The following CCDC125 variants were observed in gnomAD, a reference collection of about 807,000 sequenced individuals.
CCDC125 encodes the protein coiled-coil domain-containing protein 125.
A neutral mutation model predicts 57.4 loss-of-function variants in CCDC125; 43 were observed. The ratio of observed to expected loss-of-function variants is 0.75; its 90% CI spans 0.59 to 0.97. The LOEUF is 0.97. Among genes scored for constraint, CCDC125 ranks in the 50% least tolerant of loss-of-function variants. CCDC125 has a pLI of 0.00. For synonymous variants in CCDC125, 187 were observed against 195.2 expected, an observed-to-expected ratio of 0.96 and a Z score of 0.35; for missense variants, 563 against 595.7, an observed-to-expected ratio of 0.95 and a Z score of 0.57.
intron 1 of CCDC125, among the ~76,000 whole-genome samples, chr5:69,328,041 C>T (rs1239611422): frequency 6.6e-6 from 1 of 152,142 alleles, no homozygotes; most frequent in African/African-American, 2.4e-5. Flanking sequence ...GCATTATAGG[C>T]ACCTGCCACC....
In CCDC125 at chr5:69,292,290, G is replaced by GT; in HGVS notation, c.996dup (p.Gln333ThrfsTer7). 1.2e-6 allele frequency: 2 copies of GT among 1,613,250 alleles called. No individual in the cohort carries two copies. The highest frequency in any genetic ancestry group is 4.5e-5 in the East Asian group (2 of 44,850). On this transcript the variant is annotated frameshift_variant, in exon 10 of 12. Coordinates refer to ENST00000396496, the MANE Select transcript of CCDC125 (RefSeq NM_176816.5). LOFTEE classifies it high-confidence loss of function. The stretch of plus-strand genomic sequence containing the variant: ...GCCTGGTCATTTTTTCTCATTAATT[G>GT]TTGCTCAAATGCAATTCTGAAAGCA...
Position 69,320,443 on chromosome 5 carries a change from C to T in CCDC125, c.98G>A (p.Gly33Glu). 1.9e-6 allele frequency: 3 copies of T among 1,613,930 alleles called. No homozygotes were observed. The highest frequency in any genetic ancestry group is 2.5e-6 in the Non-Finnish European group (3 of 1,179,832). The change falls in exon 2 of 12, where the codon GGA (glycine) becomes GAA (glutamate). Residue 33 changes from glycine (G) to glutamate (E), a missense_variant. Gly to Glu is a moderately conservative substitution (Grantham distance 98). Transcript: ENST00000396496. ...TTCATAAATCCCACCAGGTTTCCTT[C>T]CGAGGCCATACCCTAAATCACCTTC... ...MTEGDLGYGL[G>E]RKPGGIYEIE... is the part of the protein sequence containing the mutation.
In CCDC125 at chr5:69,292,379, G is replaced by GT; in HGVS notation, c.925-18dup. On this transcript the variant is annotated splice_polypyrimidine_tract_variant and intron_variant, in intron 9 of 11. Transcript: ENST00000396496. Reference sequence around the variant, plus strand: ...AATTTCCAACTGATTTTGAAAGACAGTTTGGGAGGTGTCAGAGGCAAAACC... The same window carrying GT: ...AATTTCCAACTGATTTTGAAAGACAGTTTTGGGAGGTGTCAGAGGCAAAACC... 6.2e-7 allele frequency: 1 copy of GT among 1,606,142 alleles called. No individual in the cohort carries two copies. The highest frequency in any genetic ancestry group is 8.5e-7 in the Non-Finnish European group (1 of 1,176,380).
intron 1 of CCDC125, among the ~76,000 whole-genome samples, chr5:69,331,676 C>A (rs1240215185): frequency 1.3e-5 from 2 of 152,324 alleles, no homozygotes; most frequent in East Asian, 3.9e-4. Context: ...GTAAGAGGAA[C>A]TGCACTTGCT....
At chr5:69,297,235 T>A (rs1755499006) in intron 8 of CCDC125, among the ~76,000 whole-genome samples, 1 of 152,004 alleles carries the variant, frequency 6.6e-6, no homozygotes, top group Non-Finnish European at 1.5e-5. Flanking sequence ...GAGATGGGGT[T>A]TCACCATGGT....
chr5:69,277,783 ATGT>A (rs1752278819), downstream of CCDC125, among the ~76,000 whole-genome samples: 3 of 150,492 alleles, frequency 2.0e-5, no homozygotes, highest in African/African-American at 7.4e-5. Context: ...AAAAAAAAAA[ATGT>A]AGTAGTGGTG....
chr5:69,288,612 G>C (rs141581551), intron 10 of CCDC125, among the ~76,000 whole-genome samples: 6 of 152,286 alleles, frequency 3.9e-5, no homozygotes, highest in Admixed American at 6.5e-5. Flanking sequence ...ACTGGTAAAC[G>C]GAAGTGTTTC....
intron 7 of CCDC125, 54 bp downstream of exon 7, chr5:69,303,793 C>T (rs920922179): frequency 6.0e-6 from 6 of 1,007,626 alleles, no homozygotes; most frequent in Non-Finnish European, 9.2e-6. Flanking sequence ...TTTCAAAATA[C>T]TAGCATGTTA....
downstream of CCDC125, among the ~76,000 whole-genome samples, chr5:69,279,030 G>A (rs931681907): frequency 6.6e-6 from 1 of 151,778 alleles, no homozygotes; most frequent in Non-Finnish European, 1.5e-5. Context: ...ACCATGCCCA[G>A]CTAATTAAAG....
intron 2 of CCDC125, among the ~76,000 whole-genome samples, chr5:69,318,140 C>G (rs763384963): frequency 6.6e-6 from 1 of 151,752 alleles, no homozygotes; most frequent in East Asian, 2.0e-4. Flanking sequence ...CGCCACCATG[C>G]CTGGCTAATT....
chr5:69,326,765 T>C (rs1760782207), intron 1 of CCDC125, among the ~76,000 whole-genome samples: 2 of 152,122 alleles, frequency 1.3e-5, no homozygotes, highest in South Asian at 2.1e-4. Flanking sequence ...TAAACTTAAC[T>C]TCAGGCTGGG....
rs772395128 is a variant in CCDC125 at position 69,282,761 on chromosome 5, A to G, written c.1504T>C (p.Ser502Pro). 1 of 1,601,300 alleles carries G rather than the reference A, an allele frequency of 6.2e-7. No homozygotes were observed. The highest frequency in any genetic ancestry group is 8.5e-7 in the Non-Finnish European group (1 of 1,176,306). The change falls in exon 12 of 12, where the codon TCC (serine) becomes CCC (proline). Residue 502 changes from serine (S) to proline (P), a missense_variant. Transcript: ENST00000396496. The stretch of plus-strand genomic sequence containing the variant: ...ATGATACTTGATGGCAAAGAATGGG[A>G]TCTTTTAAGAGTTCTATAGTTTGGA... Reference protein sequence around the residue: ...IDPNYRTLKRSHSLPSSIIF With the variant: ...IDPNYRTLKRPHSLPSSIIF
intron 1 of CCDC125, 52 bp from the exon 2 acceptor site, chr5:69,320,632 C>T (rs555800010): frequency 9.1e-6 from 7 of 769,636 alleles, no homozygotes; most frequent in African/African-American, 5.2e-5. Context: ...TCCAGCAACC[C>T]CACCTCTCGA....
At chr5:69,313,281 C>T (rs1176375255) in intron 3 of CCDC125, 3 of 598,300 alleles carry the variant, frequency 5.0e-6, no homozygotes, top group Non-Finnish European at 9.0e-6. Flanking sequence ...TTCCCCCAGC[C>T]CCTCCTATCT....
At chr5:69,308,240 G>A (rs1337182014) in intron 4 of CCDC125, 1 of 580,740 alleles carries the variant, frequency 1.7e-6, no homozygotes, top group Non-Finnish European at 3.1e-6. Flanking sequence ...ATTAATGGAT[G>A]AATTTTCCAC....
At chr5:69,306,335 T>C (rs981048439) in intron 6 of CCDC125, among the ~76,000 whole-genome samples, 1 of 152,190 alleles carries the variant, frequency 6.6e-6, no homozygotes, top group African/African-American at 2.4e-5. Flanking sequence ...TTTTTTGTTT[T>C]GTTTTATTTT....
At chr5:69,323,309 A>G (rs554261190) in intron 1 of CCDC125, among the ~76,000 whole-genome samples, 23 of 146,094 alleles carry the variant, frequency 1.6e-4, no homozygotes, top group African/African-American at 5.8e-4. Flanking sequence ...ACTCCATCTC[A>G]AAAAAAAAAA....
At chr5:69,294,724 C>T in intron 9 of CCDC125, 69 bp downstream of exon 9, 2 of 1,166,222 alleles carry the variant, frequency 1.7e-6, no homozygotes, top group Non-Finnish European at 2.5e-6. Flanking sequence ...TTATTGCAAA[C>T]ATTTCCATTT....
intron 8 of CCDC125, among the ~76,000 whole-genome samples, chr5:69,297,638 C>T (rs1339844494): frequency 2.6e-5 from 4 of 151,184 alleles, no homozygotes; most frequent in African/African-American, 9.7e-5. Context: ...GGATTACAGG[C>T]GTTAGCCACC....
Sources: gnomAD v4.1 joint callset for allele counts (sites outside exome capture counted in the v4.1 genomes callset) on GRCh38, gnomAD v4.1.1 for gene constraint, MANE v1.5 for transcripts, NCBI Gene and HGNC (gene_info 2026-07-23, HGNC 2026-07-21) for gene names.